The following CDH13 variants were observed in gnomAD, a reference collection of about 807,000 sequenced individuals.
The protein encoded by CDH13 is cadherin-13.
In CDH13, 24 loss-of-function variants were observed where a neutral mutation model predicts 63.8. The observed-to-expected ratio is 0.38, with a 90% CI of 0.27 to 0.53. The LOEUF is 0.53. Among genes scored for constraint, CDH13 ranks in the 20% least tolerant of loss-of-function variants. The probability of loss-of-function intolerance (pLI) is 0.85; values close to 1 mark genes in which losing one functional copy is unlikely to be tolerated. For synonymous variants in CDH13, 503 were observed against 355.3 expected, an observed-to-expected ratio of 1.42 and a Z score of -4.67; for missense variants, 1,049 against 903.1, an observed-to-expected ratio of 1.16 and a Z score of -2.07.
intron 7 of CDH13, among the ~76,000 whole-genome samples, chr16:83,560,323 A>G (rs564395568): frequency 6.6e-6 from 1 of 152,252 alleles, no homozygotes; most frequent in Non-Finnish European, 1.5e-5. Context: ...AGATAATGCA[A>G]TGGAACACTA....
chr16:83,291,208 A>G (rs1458297121), intron 5 of CDH13, among the ~76,000 whole-genome samples: 2 of 152,220 alleles, frequency 1.3e-5, no homozygotes, highest in Non-Finnish European at 2.9e-5. Context: ...AAGTGGATAA[A>G]TCACTTAATA....
intron 7 of CDH13, among the ~76,000 whole-genome samples, chr16:83,578,505 A>G (rs2150717379): frequency 6.6e-6 from 1 of 152,324 alleles, no homozygotes; most frequent in South Asian, 2.1e-4. Context: ...AAGAGGTCAC[A>G]TTCCACAGGA....
chr16:83,481,688 C>T (rs538471403), intron 6 of CDH13, among the ~76,000 whole-genome samples: 2 of 152,096 alleles, frequency 1.3e-5, no homozygotes, highest in African/African-American at 4.8e-5. Flanking sequence ...ATGTTTTCTT[C>T]CCCCTTTGGA....
intron 5 of CDH13, among the ~76,000 whole-genome samples, chr16:83,304,936 C>A (rs938860193): frequency 1.3e-5 from 2 of 152,160 alleles, no homozygotes; most frequent in African/African-American, 4.8e-5. Context: ...CATAGCAGAA[C>A]TTTCCCACTT....
chr16:83,709,468 C>T (rs891693153), intron 10 of CDH13, among the ~76,000 whole-genome samples: 1 of 152,204 alleles, frequency 6.6e-6, no homozygotes, highest in African/African-American at 2.4e-5. Flanking sequence ...CTAGGGGTGC[C>T]GTGTGTGCAC....
intron 1 of CDH13, among the ~76,000 whole-genome samples, chr16:82,729,097 C>T (rs991874644): frequency 1.3e-5 from 2 of 152,214 alleles, no homozygotes; most frequent in African/African-American, 2.4e-5. Flanking sequence ...CCACATCTGC[C>T]GTTACTTCCT....
At chr16:82,752,669 A>G (rs2034465139) in intron 1 of CDH13, among the ~76,000 whole-genome samples, 1 of 152,244 alleles carries the variant, frequency 6.6e-6, no homozygotes, top group African/African-American at 2.4e-5. Flanking sequence ...CAGGAGCAGG[A>G]AATTGAGCCA....
At chr16:83,113,759 G>A (rs2035173654) in intron 3 of CDH13, among the ~76,000 whole-genome samples, 1 of 152,190 alleles carries the variant, frequency 6.6e-6, no homozygotes, top group African/African-American at 2.4e-5. Flanking sequence ...GGGAAGGGAA[G>A]TCACAAGGTG....
chr16:83,799,882 G>A lies in CDH13; in HGVS notation c.*4852G>A, dbSNP rs1904307003. 1.3e-5 allele frequency: 2 copies of A among 152,150 alleles called. No homozygotes were observed. Among genetic ancestry groups the A allele is most frequent in the African/African-American group, 4.8e-5 (2 of 41,440 alleles). 9.4% of individuals were successfully genotyped at this position (152,150 alleles called of 1,614,324 possible). On this transcript the variant is annotated 3_prime_UTR_variant, in exon 14 of 14. Coordinates refer to ENST00000567109, the MANE Select transcript of CDH13 (RefSeq NM_001257.5). ...TGAAAGCATATACAAGACATGGAGA[G>A]ACAGCAAAAAATGGTGGGAATGGGT...
chr16:82,831,253 C>T (rs2038527940), intron 1 of CDH13, among the ~76,000 whole-genome samples: 1 of 152,158 alleles, frequency 6.6e-6, no homozygotes, highest in Admixed American at 6.6e-5. Context: ...ATTTGCCAAT[C>T]ATTAGCATTT....
intron 1 of CDH13, among the ~76,000 whole-genome samples, chr16:82,809,861 A>C (rs1224995929): frequency 6.6e-6 from 1 of 152,186 alleles, no homozygotes; most frequent in Non-Finnish European, 1.5e-5. Context: ...AGTGGATTAG[A>C]ACAATTTACA....
chr16:83,763,619 C>T (rs559461238), intron 11 of CDH13, among the ~76,000 whole-genome samples: 4 of 152,074 alleles, frequency 2.6e-5, no homozygotes, highest in South Asian at 2.1e-4. Context: ...TTAAAAGATG[C>T]TAGTTTGGAT....
chr16:83,319,920 T>C (rs1188392521), intron 5 of CDH13, among the ~76,000 whole-genome samples: 1 of 152,212 alleles, frequency 6.6e-6, no homozygotes, highest in African/African-American at 2.4e-5. Context: ...AAATGATTAA[T>C]ACAGCCCACA....
intron 2 of CDH13, among the ~76,000 whole-genome samples, chr16:82,988,881 C>G (rs916965466): frequency 1.3e-5 from 2 of 151,970 alleles, no homozygotes; most frequent in African/African-American, 4.8e-5. Flanking sequence ...AAGGCAAAGA[C>G]AGAGAGGACA....
chr16:83,427,595 T>G (rs2071951240), intron 6 of CDH13, among the ~76,000 whole-genome samples: 1 of 152,174 alleles, frequency 6.6e-6, no homozygotes. Context: ...AGTTAGTTAC[T>G]GCAGCTGCAA....
chr16:83,496,679 A>G (rs561361806), intron 7 of CDH13, among the ~76,000 whole-genome samples: 2 of 152,382 alleles, frequency 1.3e-5, no homozygotes, highest in African/African-American at 4.8e-5. Flanking sequence ...ATTAAACGAA[A>G]GAGCTTCTGC....
At chr16:83,561,550 A>C (rs915150890) in intron 7 of CDH13, among the ~76,000 whole-genome samples, 3 of 152,132 alleles carry the variant, frequency 2.0e-5, no homozygotes, top group African/African-American at 7.2e-5. Flanking sequence ...AAAGACTATT[A>C]CCAGCTAACA....
chr16:83,723,871 AATGG>A (rs56156646), intron 10 of CDH13, among the ~76,000 whole-genome samples: 15 of 152,026 alleles, frequency 9.9e-5, no homozygotes, highest in African/African-American at 2.4e-4. Flanking sequence ...TCCATGGAAG[AATGG>A]ATGGATGGAT....
intron 10 of CDH13, among the ~76,000 whole-genome samples, chr16:83,684,655 C>G (rs1205151216): frequency 6.6e-6 from 1 of 152,182 alleles, no homozygotes; most frequent in Non-Finnish European, 1.5e-5. Flanking sequence ...AATTCCACAG[C>G]AGAGACTTCT....
Sources: gnomAD v4.1 joint callset for allele counts (sites outside exome capture counted in the v4.1 genomes callset) on GRCh38, gnomAD v4.1.1 for gene constraint, MANE v1.5 for transcripts, NCBI Gene and HGNC (gene_info 2026-07-23, HGNC 2026-07-21) for gene names.